Variants in SEMA6A observed in about 807,000 individuals in gnomAD.
SEMA6A encodes semaphorin-6A.
Under a neutral mutation model 96.8 loss-of-function variants are expected in SEMA6A, and 25 were observed. The observed-to-expected ratio is 0.26, with a 90% CI of 0.19 to 0.36. SEMA6A has a LOEUF of 0.36. SEMA6A is among the 10% of genes least tolerant of loss of function. SEMA6A has a pLI of 1.00. For missense variants in SEMA6A, 1,363 were observed against 1,323.1 expected, an observed-to-expected ratio of 1.03 and a Z score of -0.47; for synonymous variants, 612 against 518.0, an observed-to-expected ratio of 1.18 and a Z score of -2.46.
chr5:116,543,668 G>T (rs1437912931), intron 1 of SEMA6A, among the ~76,000 whole-genome samples: 6 of 152,154 alleles, frequency 3.9e-5, no homozygotes, highest in Non-Finnish European at 5.9e-5. Context: ...TGACCCTTCA[G>T]GGCTGTTTTA....
At chr5:116,522,063 G>T (rs979014230) in intron 1 of SEMA6A, among the ~76,000 whole-genome samples, 2 of 152,138 alleles carry the variant, frequency 1.3e-5, no homozygotes, top group Non-Finnish European at 1.5e-5. Context: ...TTTTGTTAAT[G>T]AAACTTGAAA....
intron 1 of SEMA6A, chr5:116,562,478 A>G (rs1038468190): frequency 1.9e-5 from 8 of 416,942 alleles, no homozygotes; most frequent in Non-Finnish European, 3.2e-5. Context: ...ATTTGTTCTA[A>G]AACTCATGAC....
intron 17 of SEMA6A, 85 bp downstream of exon 17, chr5:116,472,988 G>C (rs1191605543): frequency 1.3e-6 from 2 of 1,521,288 alleles, no homozygotes; most frequent in Non-Finnish European, 1.8e-6. Context: ...CTTAAGATTT[G>C]AACATACTCA....
At chr5:116,566,220 CA>C (rs1761023165) in intron 1 of SEMA6A, among the ~76,000 whole-genome samples, 1 of 152,116 alleles carries the variant, frequency 6.6e-6, no homozygotes, top group Non-Finnish European at 1.5e-5. Context: ...CGTAGAGGGG[CA>C]GAAGGGCTAA....
intron 10 of SEMA6A, 36 bp from the exon 11 acceptor site, chr5:116,482,611 G>A (rs1756841454): frequency 6.2e-7 from 1 of 1,610,556 alleles, no homozygotes; most frequent in Non-Finnish European, 8.5e-7. Context: ...TGTTACTCAT[G>A]CAATGGTTAT....
intron 1 of SEMA6A, among the ~76,000 whole-genome samples, chr5:116,532,524 G>T (rs1306226457): frequency 6.6e-6 from 1 of 152,114 alleles, no homozygotes; most frequent in Non-Finnish European, 1.5e-5. Flanking sequence ...CCTGTAACCT[G>T]CCTGTTCTTT....
chr5:116,525,013 AT>A (rs796115975), intron 1 of SEMA6A, among the ~76,000 whole-genome samples: 8 of 152,314 alleles, frequency 5.3e-5, no homozygotes, highest in African/African-American at 1.9e-4. Context: ...ATGTCTGCCC[AT>A]TTGCCTATCT....
rs1759491463 is a variant in SEMA6A at position 116,531,881 on chromosome 5, AGCCACTCACCCT to A, written c.-38-26911_-38-26900del. On this transcript the variant is annotated intron_variant, in intron 1 of 18. Transcript: ENST00000343348. ...TTGTTCCTAACTGTCCTTCCCACCA[AGCCACTCACCCT>A]GCCACTCTGGCTCATACCCCTGCTC... 2.6e-5 allele frequency among the ~76,000 whole-genome samples: 4 copies of A among 152,120 alleles called. No individual in the cohort carries two copies. The South Asian group carries it at 8.3e-4, about 32-fold the overall frequency.
chr5:116,502,183 G>C (rs1028136649), intron 3 of SEMA6A, 27 bp downstream of exon 3: 2 of 1,586,554 alleles, frequency 1.3e-6, no homozygotes, highest in African/African-American at 1.3e-5. Flanking sequence ...ACACTCTCAA[G>C]GCAGACATGG....
At chr5:116,537,899 A>G (rs557178474) in intron 1 of SEMA6A, among the ~76,000 whole-genome samples, 7 of 152,322 alleles carry the variant, frequency 4.6e-5, no homozygotes, top group African/African-American at 1.2e-4. Flanking sequence ...GGAACAGGCC[A>G]GGTGCGGTGT....
In SEMA6A at chr5:116,552,273, G is replaced by A. The variant is rs143358257; in HGVS notation, c.-39+21912C>T. Among the ~76,000 whole-genome samples the A allele has an allele frequency of 4.2e-3, 642 of 152,050 alleles. 4 individuals are homozygous for A. Among genetic ancestry groups the A allele is most frequent in the African/African-American group, 0.015 (602 of 41,466 alleles). Reference sequence around the variant, plus strand: ...TCATTTTTTTTCAGTATGTTTTAGCGTGTTAAGTTGAAAATTACAAAGAAC... The same window carrying A: ...TCATTTTTTTTCAGTATGTTTTAGCATGTTAAGTTGAAAATTACAAAGAAC... On this transcript the variant is annotated intron_variant, in intron 1 of 18. Transcript: ENST00000343348.
intron 18 of SEMA6A, among the ~76,000 whole-genome samples, chr5:116,448,775 A>AC (rs1754442925): frequency 6.6e-6 from 1 of 151,392 alleles, no homozygotes; most frequent in South Asian, 2.1e-4. Context: ...AAAAAAAAAA[A>AC]ACAGTGCAAA....
rs1220696236 is a variant in SEMA6A, at chr5:116,446,616, T to C, written c.3090A>G (p.Thr1030=). The part of the protein sequence containing the change: ...STSMKPNDAC[T] The stretch of plus-strand genomic sequence containing the variant: ...ACCTGACCCCCTCCCCCTGGGATTA[T>C]GTACACGCATCATTGGGCTTCATGG... Residue 1030 remains threonine (T), a synonymous_variant, in exon 19 of 19, where the codon ACA becomes ACG. Transcript: ENST00000343348. The C allele has an allele frequency of 8.1e-6, 12 of 1,486,930 alleles. No individual in the cohort carries two copies. Among genetic ancestry groups the C allele is most frequent in the Non-Finnish European group, 1.1e-5 (12 of 1,116,718 alleles). The allele number at this position is 1,486,930 out of a possible 1,614,324, so 92.1% of individuals were successfully genotyped here.
intron 12 of SEMA6A, 140 bp downstream of exon 12, chr5:116,479,982 C>T (rs1310165873): frequency 6.4e-6 from 6 of 937,530 alleles, no homozygotes; most frequent in Non-Finnish European, 9.7e-6. Context: ...TCCAACCAAT[C>T]GGCCACCATT....
intron 18 of SEMA6A, among the ~76,000 whole-genome samples, chr5:116,456,064 T>TAA (rs1754991762): frequency 6.6e-6 from 1 of 152,240 alleles, no homozygotes; most frequent in African/African-American, 2.4e-5. Context: ...TAGACTATTT[T>TAA]AAGGCAACAC....
intron 1 of SEMA6A, among the ~76,000 whole-genome samples, chr5:116,559,963 C>T (rs1468119250): frequency 6.6e-6 from 1 of 152,252 alleles, no homozygotes; most frequent in African/African-American, 2.4e-5. Flanking sequence ...CTGGGCAGAG[C>T]CCTCCACAAG....
chr5:116,538,712 A>G (rs1030724012), intron 1 of SEMA6A, among the ~76,000 whole-genome samples: 1 of 152,202 alleles, frequency 6.6e-6, no homozygotes, highest in Non-Finnish European at 1.5e-5. Flanking sequence ...TACAAATAAT[A>G]CATGGCAACC....
At chr5:116,556,696 G>A (rs1760620942) in intron 1 of SEMA6A, among the ~76,000 whole-genome samples, 1 of 152,284 alleles carries the variant, frequency 6.6e-6, no homozygotes, top group Middle Eastern at 3.4e-3. Context: ...ACTTCCAAGT[G>A]TCATTTTGGT....
rs770052423 is a variant in SEMA6A at position 116,491,825 on chromosome 5, A to T, written c.450T>A (p.Asp150Glu). 24 of 1,610,022 alleles carry T rather than the reference A, an allele frequency of 1.5e-5. No individual in the cohort carries two copies. The highest frequency in any genetic ancestry group is 4.2e-6 in the Non-Finnish European group (5 of 1,176,500). ...ATTCATCCCCGAATGGTTCCAATGT[A>T]TCCATCTAAATGAAATAATCAGACT... ...FNPSCRNYKMDTLEPFGDEFS... is the reference protein window; with the variant it reads ...FNPSCRNYKMETLEPFGDEFS... The change falls in exon 7 of 19, where the codon GAT becomes GAA. Residue 150 changes from aspartate (D) to glutamate (E), a missense_variant. By Grantham distance (45) the Asp-to-Glu change is conservative. This residue lies in a region of SEMA6A where 480 missense variants were observed against 559.5 expected (regional missense o/e 0.86). Transcript: ENST00000343348.
Sources: gnomAD v4.1 joint callset for allele counts (sites outside exome capture counted in the v4.1 genomes callset) on GRCh38, gnomAD v4.1.1 for gene constraint, gnomAD v4.1.1 regional missense constraint, MANE v1.5 for transcripts, NCBI Gene and HGNC (gene_info 2026-07-23, HGNC 2026-07-21) for gene names.